The following ADGRV1 variants were observed in gnomAD, a reference collection of about 807,000 sequenced individuals.
ADGRV1 encodes adhesion G protein-coupled receptor V1.
ADGRV1 carries 359 observed loss-of-function variants against 596.2 expected under a neutral mutation model. The observed-to-expected ratio is 0.60, with a 90% CI of 0.55 to 0.66. ADGRV1 has a LOEUF of 0.66. Ranked by LOEUF, ADGRV1 falls within the 30% of genes least tolerant of loss-of-function variation. ADGRV1 has a pLI of 0.00. For missense variants in ADGRV1, 7,274 were observed against 7,575.6 expected (o/e 0.96, Z 1.48); for synonymous variants, 2,681 against 2,679.2 (o/e 1.00, Z -0.02).
chr5:90,729,718 T>G lies in ADGRV1; in HGVS notation c.10503T>G (p.Phe3501Leu), dbSNP rs1423522545. The change falls in exon 50 of 90, where the codon TTT (phenylalanine) becomes TTG (leucine). Residue 3501 changes from phenylalanine (F) to leucine (L), a missense_variant. By Grantham distance (22) the Phe-to-Leu change is conservative (BLOSUM62 0). Transcript: ENST00000405460. ...SSFRYFQSVD[F>L]AAVNRIHSFT... ...TCAGGTATTTTCAGTCTGTAGATTTTGCTGCTGTTAACAGAATCCACTCCT... is the reference window on the plus strand; with the variant it reads ...TCAGGTATTTTCAGTCTGTAGATTTGGCTGCTGTTAACAGAATCCACTCCT... The G allele has an allele frequency of 1.2e-6, 2 of 1,612,708 alleles. No individual in the cohort carries two copies. Among genetic ancestry groups the G allele is most frequent in the African/African-American group, 2.7e-5 (2 of 74,922 alleles).
intron 21 of ADGRV1, among the ~76,000 whole-genome samples, chr5:90,667,372 C>T (rs1201415755): frequency 4.5e-4 from 67 of 147,254 alleles, no homozygotes; most frequent in African/African-American, 1.3e-3. Flanking sequence ...CATCTTCCAT[C>T]GCTGATACCT....
At chr5:90,976,271 T>C (rs1779575043) in intron 84 of ADGRV1, among the ~76,000 whole-genome samples, 1 of 145,828 alleles carries the variant, frequency 6.9e-6, no homozygotes, top group African/African-American at 2.5e-5. Flanking sequence ...TGTATATATG[T>C]TTACGTGTAT....
chr5:90,993,625 A>G (rs958633288), intron 85 of ADGRV1, among the ~76,000 whole-genome samples: 1 of 152,142 alleles, frequency 6.6e-6, no homozygotes, highest in African/African-American at 2.4e-5. Context: ...TCTCTTGAGT[A>G]TATGTCTAGG....
chr5:91,149,423 T>G (rs1223041672), intron 87 of ADGRV1, among the ~76,000 whole-genome samples: 1 of 152,198 alleles, frequency 6.6e-6, no homozygotes, highest in African/African-American at 2.4e-5. Context: ...CTCCTTGCAC[T>G]CATTGTTTCT....
chr5:90,851,146 A>T (rs1476333505), intron 79 of ADGRV1, among the ~76,000 whole-genome samples: 7,414 of 89,790 alleles, frequency 0.083, 377 homozygotes, highest in African/African-American at 0.18. Context: ...AGAGAGAGAG[A>T]GAGAGAGAGA....
chr5:90,589,152 A>G (rs1759153854), intron 1 of ADGRV1, among the ~76,000 whole-genome samples: 1 of 152,214 alleles, frequency 6.6e-6, no homozygotes, highest in Non-Finnish European at 1.5e-5. Flanking sequence ...TGGGTGGTAT[A>G]ACTTCAAAGT....
At chr5:90,932,788 C>T (rs927511736) in intron 83 of ADGRV1, among the ~76,000 whole-genome samples, 3 of 143,574 alleles carry the variant, frequency 2.1e-5, no homozygotes, top group African/African-American at 5.1e-5. Flanking sequence ...ATAGGCTTGT[C>T]GTGAGTTGTG....
intron 48 of ADGRV1, among the ~76,000 whole-genome samples, chr5:90,726,848 G>A (rs1751858865): frequency 6.6e-6 from 1 of 152,172 alleles, no homozygotes; most frequent in Non-Finnish European, 1.5e-5. Context: ...CAATAGGCTA[G>A]CGTATTTTAA....
chr5:90,846,936 G>T (rs180900427), intron 78 of ADGRV1, among the ~76,000 whole-genome samples: 10 of 152,118 alleles, frequency 6.6e-5, no homozygotes, highest in African/African-American at 2.4e-4. Flanking sequence ...AGACACAAAA[G>T]TTCTCCATGT....
At chr5:90,841,298 G>A (rs1276259602) in intron 78 of ADGRV1, among the ~76,000 whole-genome samples, 1 of 152,042 alleles carries the variant, frequency 6.6e-6, no homozygotes, top group Non-Finnish European at 1.5e-5. Context: ...TCCAGAAACT[G>A]GCCAATTAAC....
intron 86 of ADGRV1, among the ~76,000 whole-genome samples, chr5:91,084,941 A>T (rs1582008446): frequency 6.6e-6 from 1 of 152,232 alleles, no homozygotes; most frequent in East Asian, 1.9e-4. Context: ...GACATGGATG[A>T]AGCTGGAAAC....
rs1244216372 is a variant in ADGRV1, at chr5:90,706,384, C to T, written c.8720C>T (p.Thr2907Ile). 6.3e-7 allele frequency: 1 copy of T among 1,584,958 alleles called. No individual in the cohort carries two copies. The highest frequency in any genetic ancestry group is 1.8e-5 in the Admixed American group (1 of 55,146). The change falls in exon 38 of 90, where the codon ACC becomes ATC. Residue 2907 changes from threonine to isoleucine, a missense_variant. Transcript: ENST00000405460. The part of the protein sequence containing the change: ...EGETAAAINI[T>I]ILEDDVPELE... ...GAAACAGCAGCAGCCATCAACATTA[C>T]CATTCTTGAGGTAAAACTCTTTTTT... is the stretch of plus-strand genomic sequence containing the variant.
At chr5:90,720,283 G>T in intron 44 of ADGRV1, 60 bp downstream of exon 44, 3 of 1,091,076 alleles carry the variant, frequency 2.7e-6, no homozygotes, top group South Asian at 2.1e-5. Flanking sequence ...AATATTTTTT[G>T]ACATAAGAAA....
intron 77 of ADGRV1, among the ~76,000 whole-genome samples, chr5:90,831,730 C>A (rs1399747564): frequency 6.6e-6 from 1 of 152,066 alleles, no homozygotes; most frequent in Non-Finnish European, 1.5e-5. Flanking sequence ...CCACCGCCAC[C>A]ACCTTCTCAA....
At chr5:90,607,418 A>G (rs1762236193) in intron 1 of ADGRV1, among the ~76,000 whole-genome samples, 1 of 152,130 alleles carries the variant, frequency 6.6e-6, no homozygotes, top group Admixed American at 6.5e-5. Flanking sequence ...TCTGGTGTTC[A>G]TTCTCCAGGA....
At chr5:91,144,835 C>T (rs1453950708) in intron 87 of ADGRV1, among the ~76,000 whole-genome samples, 1 of 152,142 alleles carries the variant, frequency 6.6e-6, no homozygotes, top group Non-Finnish European at 1.5e-5. Flanking sequence ...AATATTTTAT[C>T]CTTACGTCTC....
Position 90,815,703 on chromosome 5 carries a change from G to T in ADGRV1, c.16163G>T (p.Arg5388Ile), listed in dbSNP as rs1206214257. 2 of 1,569,888 alleles carry T rather than the reference G, an allele frequency of 1.3e-6. No individual in the cohort carries two copies. Among genetic ancestry groups the T allele is most frequent in the Non-Finnish European group, 1.7e-6 (2 of 1,155,422 alleles). The part of the protein sequence containing the change: ...LELREGAVMR[R>I]LHLIVTRQPN... ...CTCAGGGAAGGAGCTGTTATGAGAA[G>T]ATTGCACCTTATTGTCACAAGACAG... The change falls in exon 75 of 90, where the codon AGA becomes ATA. Residue 5388 changes from arginine (R) to isoleucine (I), a missense_variant. This residue lies in a region of ADGRV1 where 1,874 missense variants were observed against 1,970.2 expected (regional missense o/e 0.95). Coordinates refer to ENST00000405460, the MANE Select transcript of ADGRV1 (RefSeq NM_032119.4).
At chr5:90,688,438 A>G (rs1029202387) in intron 29 of ADGRV1, among the ~76,000 whole-genome samples, 1 of 152,104 alleles carries the variant, frequency 6.6e-6, no homozygotes, top group Non-Finnish European at 1.5e-5. Flanking sequence ...GCTCACTGCA[A>G]TGTCCGCCTC....
chr5:91,031,254 A>T, intron 85 of ADGRV1: 1 of 1,589,178 alleles, frequency 6.3e-7, no homozygotes, highest in South Asian at 1.1e-5. Context: ...GTTGCTGTTG[A>T]ATGTGTTCCA....
Sources: allele counts gnomAD v4.1 joint callset (sites outside exome capture counted in the v4.1 genomes callset), GRCh38; gene constraint gnomAD v4.1.1; regional missense constraint gnomAD v4.1.1; transcripts MANE v1.5; gene names NCBI Gene and HGNC (gene_info 2026-07-23, HGNC 2026-07-21).